LRP1B: variants seen among roughly 807,000 people sequenced by gnomAD.
LRP1B encodes the protein LDL receptor related protein 1B, also known as low-density lipoprotein receptor-related protein 1B.
Under a neutral mutation model 556.6 loss-of-function variants are expected in LRP1B, and 217 were observed. The ratio of observed to expected loss-of-function variants is 0.39; its 90% CI spans 0.35 to 0.44. The LOEUF (loss-of-function observed/expected upper bound fraction) is 0.44, where lower values mean the gene tolerates loss of function less well. Ranked by LOEUF, LRP1B falls within the 20% of genes least tolerant of loss-of-function variation. The pLI, the probability that LRP1B is intolerant of heterozygous loss-of-function variation, is 1.00. For synonymous variants in LRP1B, 2,047 were observed against 1,865.8 expected (o/e 1.10, Z -2.50); for missense variants, 5,053 against 5,620.8 (o/e 0.90, Z 3.23).
chr2:140,951,250 T>C (rs1317317763), intron 19 of LRP1B, among the ~76,000 whole-genome samples: 7 of 152,160 alleles, frequency 4.6e-5, no homozygotes, highest in Admixed American at 1.3e-4. Flanking sequence ...ATATTTGTAC[T>C]TGGAAACTGT....
At chr2:141,709,743 G>A (rs1692286776) in intron 2 of LRP1B, among the ~76,000 whole-genome samples, 1 of 152,178 alleles carries the variant, frequency 6.6e-6, no homozygotes, top group Non-Finnish European at 1.5e-5. Flanking sequence ...AGATGGCTAA[G>A]GGCTAGAAGG....
At chr2:141,253,794 G>C (rs915696681) in intron 4 of LRP1B, among the ~76,000 whole-genome samples, 7 of 151,476 alleles carry the variant, frequency 4.6e-5, no homozygotes, top group Non-Finnish European at 8.8e-5. Flanking sequence ...TCACACACGC[G>C]GAAGGAAAGA....
chr2:141,180,994 T>C (rs1258601369), intron 7 of LRP1B, among the ~76,000 whole-genome samples: 3 of 151,940 alleles, frequency 2.0e-5, no homozygotes, highest in African/African-American at 7.2e-5. Context: ...CCATAACTGA[T>C]TTTTCTTTCT....
chr2:140,475,462 T>G (rs1007028205), intron 59 of LRP1B, 125 bp from the exon 60 acceptor site: 7 of 608,562 alleles, frequency 1.2e-5, no homozygotes, highest in African/African-American at 1.9e-5. Context: ...ATTGCAGCTT[T>G]TAAGAAACAT....
At chr2:140,527,630 C>T (rs1277733079) in intron 47 of LRP1B, among the ~76,000 whole-genome samples, 1 of 151,686 alleles carries the variant, frequency 6.6e-6, no homozygotes, top group Non-Finnish European at 1.5e-5. Context: ...ACATGTGAAA[C>T]AGATAATGCT....
At chr2:141,842,643 G>A (rs1697513320) in intron 1 of LRP1B, among the ~76,000 whole-genome samples, 1 of 151,932 alleles carries the variant, frequency 6.6e-6, no homozygotes, top group Non-Finnish European at 1.5e-5. Context: ...CACTGTAAGT[G>A]GTTAATAAAT....
intron 35 of LRP1B, among the ~76,000 whole-genome samples, chr2:140,749,345 T>G (rs948718863): frequency 4.7e-5 from 7 of 149,932 alleles, no homozygotes; most frequent in Non-Finnish European, 1.0e-4. Context: ...CTTAGCTTGC[T>G]GTAACTTTTT....
intron 25 of LRP1B, among the ~76,000 whole-genome samples, chr2:140,883,323 T>C (rs1693532402): frequency 6.6e-6 from 1 of 152,148 alleles, no homozygotes; most frequent in South Asian, 2.1e-4. Context: ...ATCTCACCAC[T>C]GGACTCCTTC....
At chr2:141,425,713 G>A (rs1680336503) in intron 3 of LRP1B, among the ~76,000 whole-genome samples, 1 of 151,864 alleles carries the variant, frequency 6.6e-6, no homozygotes, top group Admixed American at 6.6e-5. Flanking sequence ...CTGCATAAAT[G>A]TCTTCTTTTG....
intron 7 of LRP1B, among the ~76,000 whole-genome samples, chr2:141,088,813 G>T (rs541662867): frequency 6.6e-6 from 1 of 152,222 alleles, no homozygotes; most frequent in African/African-American, 2.4e-5. Flanking sequence ...CCTTTAAATC[G>T]ATGTCAAAAT....
intron 4 of LRP1B, among the ~76,000 whole-genome samples, chr2:141,248,388 T>C (rs1684144770): frequency 6.6e-6 from 1 of 152,130 alleles, no homozygotes. Context: ...AATAGGGGTA[T>C]ACTCGAGTTA....
chr2:141,140,692 G>A (rs764759621), intron 7 of LRP1B, among the ~76,000 whole-genome samples: 4 of 152,084 alleles, frequency 2.6e-5, no homozygotes, highest in Non-Finnish European at 5.9e-5. Context: ...CCTTGACCTT[G>A]GACTTCCACC....
intron 3 of LRP1B, among the ~76,000 whole-genome samples, chr2:141,388,571 T>G (rs1689927681): frequency 6.6e-6 from 1 of 152,176 alleles, no homozygotes; most frequent in Non-Finnish European, 1.5e-5. Context: ...TGGTGGAAGT[T>G]TGAAAGTTTT....
intron 3 of LRP1B, among the ~76,000 whole-genome samples, chr2:141,417,094 C>T (rs968505893): frequency 1.3e-5 from 2 of 152,074 alleles, no homozygotes; most frequent in South Asian, 2.1e-4. Context: ...TGTTTCCTAT[C>T]TTTACTTTGA....
At chr2:140,662,997 T>C (rs775235987) in intron 41 of LRP1B, among the ~76,000 whole-genome samples, 1 of 152,076 alleles carries the variant, frequency 6.6e-6, no homozygotes, top group Non-Finnish European at 1.5e-5. Context: ...AGGGCTACAG[T>C]TAAGAAAGTG....
intron 41 of LRP1B, among the ~76,000 whole-genome samples, chr2:140,608,577 G>A (rs1242936422): frequency 6.6e-6 from 1 of 152,156 alleles, no homozygotes; most frequent in Non-Finnish European, 1.5e-5. Flanking sequence ...AAACATGTTT[G>A]CAGAGATGCA....
intron 63 of LRP1B, among the ~76,000 whole-genome samples, chr2:140,448,041 G>T (rs568947821): frequency 6.6e-6 from 1 of 151,036 alleles, no homozygotes; most frequent in South Asian, 2.1e-4. Context: ...AATACTGATT[G>T]TATCACCAAA....
chr2:141,792,182 T>C (rs901161557), intron 2 of LRP1B, among the ~76,000 whole-genome samples: 9 of 151,986 alleles, frequency 5.9e-5, no homozygotes, highest in African/African-American at 1.9e-4. Context: ...ACATAGGGAA[T>C]GCAATGTAGG....
At chr2:141,961,926 A>T (rs537795886) in intron 1 of LRP1B, among the ~76,000 whole-genome samples, 41 of 151,858 alleles carry the variant, frequency 2.7e-4, no homozygotes, top group African/African-American at 9.2e-4. Context: ...TGTGTTTACG[A>T]ATGGAAAAAG....
Sources: allele counts gnomAD v4.1 joint callset (sites outside exome capture counted in the v4.1 genomes callset), GRCh38; gene constraint gnomAD v4.1.1; transcripts MANE v1.5; gene names NCBI Gene and HGNC (gene_info 2026-07-23, HGNC 2026-07-21).